CYTIP: variants seen among roughly 807,000 people sequenced by gnomAD.
CYTIP encodes cytohesin-interacting protein.
CYTIP carries 26 observed loss-of-function variants against 43.8 expected under a neutral mutation model. That is an observed-to-expected ratio of 0.59 (90% CI 0.44 to 0.82). The LOEUF is 0.82. Ranked by LOEUF, CYTIP falls within the 40% of genes least tolerant of loss-of-function variation. CYTIP has a pLI of 0.00. For synonymous variants in CYTIP, 162 were observed against 162.9 expected (o/e 0.99, Z 0.04); for missense variants, 426 against 443.1 (o/e 0.96, Z 0.35).
intron 1 of CYTIP, chr2:157,438,884 CT>C (rs2105146410): frequency 5.8e-6 from 2 of 347,158 alleles, no homozygotes. Context: ...TTTAAATACC[CT>C]TTTAGTATGC....
chr2:157,433,508 G>A (rs2105142517), intron 3 of CYTIP, among the ~76,000 whole-genome samples: 1 of 152,224 alleles, frequency 6.6e-6, no homozygotes, highest in African/African-American at 2.4e-5. Flanking sequence ...TCTGAAAGCA[G>A]CAGTAAAGCT....
chr2:157,444,046 C>A lies in CYTIP; in HGVS notation c.-26G>T. The A allele has an allele frequency of 6.2e-7, 1 of 1,609,746 alleles. No homozygotes were observed. On this transcript the variant is annotated 5_prime_UTR_variant, in exon 1 of 8. Coordinates refer to ENST00000264192, the MANE Select transcript of CYTIP (RefSeq NM_004288.5). Reference sequence around the variant, plus strand: ...TGTGAATAAAGATCACTCCAGCTAGCACATGGTTGAGTGGCCTTGCAGGAT... The same window carrying A: ...TGTGAATAAAGATCACTCCAGCTAGAACATGGTTGAGTGGCCTTGCAGGAT...
chr2:157,442,963 TA>T lies in CYTIP; in HGVS notation c.174+883del, dbSNP rs1007107344. On this transcript the variant is annotated intron_variant, in intron 1 of 7. Coordinates refer to ENST00000264192, the MANE Select transcript of CYTIP (RefSeq NM_004288.5). ...ACCTGGGGATTTAGAGCAAGTTGTT[TA>T]AAAAAAATCCTGAAGAGGTATTATG... 9.2e-5 allele frequency among the ~76,000 whole-genome samples: 14 copies of T among 152,090 alleles called. No homozygotes were observed. In the East Asian group the frequency reaches 2.5e-3, roughly 27 times the overall value.
intron 1 of CYTIP, among the ~76,000 whole-genome samples, chr2:157,436,441 C>T (rs142929576): frequency 0.011 from 1,638 of 152,088 alleles, 35 homozygotes; most frequent in African/African-American, 0.038. Context: ...GCCCTTAAGC[C>T]AAATTACGTA....
chr2:157,434,096 A>T (rs1460385112), intron 3 of CYTIP: 2 of 493,522 alleles, frequency 4.1e-6, no homozygotes, highest in African/African-American at 2.0e-5. Context: ...GCTGATACCA[A>T]CCTAGCTGAT....
intron 1 of CYTIP, among the ~76,000 whole-genome samples, chr2:157,435,719 G>C (rs1025884050): frequency 1.3e-5 from 2 of 152,092 alleles, no homozygotes; most frequent in African/African-American, 2.4e-5. Flanking sequence ...CTAACCCATG[G>C]TTTTTAATTG....
chr2:157,427,412 GTCTC>G lies in CYTIP; in HGVS notation c.481_484del (p.Glu161LeufsTer6). ...TTTCAGAATCATTGTTCCATTAAGA[GTCTC>G]TATCCTGTTTTAAGGAAAAAAAAAA... On this transcript the variant is annotated frameshift_variant, in exon 6 of 8. Coordinates refer to ENST00000264192, the MANE Select transcript of CYTIP (RefSeq NM_004288.5). LOFTEE classifies it high-confidence loss of function. 6.2e-7 allele frequency: 1 copy of G among 1,603,730 alleles called. No homozygotes were observed. The highest frequency in any genetic ancestry group is 8.5e-7 in the Non-Finnish European group (1 of 1,176,604).
intron 6 of CYTIP, among the ~76,000 whole-genome samples, chr2:157,427,113 G>A (rs1685624206): frequency 6.6e-6 from 1 of 152,190 alleles, no homozygotes; most frequent in Admixed American, 6.5e-5. Context: ...ATGCCTTCCT[G>A]TTGCCTTTCT....
At chr2:157,431,582 TTAGGCACAAG>T (rs1184831248) in intron 3 of CYTIP, among the ~76,000 whole-genome samples, 16 of 152,310 alleles carry the variant, frequency 1.1e-4, no homozygotes, top group African/African-American at 3.6e-4. Context: ...CTTGCCTCAA[TTAGGCACAAG>T]TAGTTTGGTG....
Position 157,430,931 on chromosome 2 carries a change from G to C in CYTIP, c.311C>G (p.Ser104Cys). 1 of 1,613,808 alleles carries C rather than the reference G, an allele frequency of 6.2e-7. No individual in the cohort carries two copies. The highest frequency in any genetic ancestry group is 8.5e-7 in the Non-Finnish European group (1 of 1,179,904). The change falls in exon 4 of 8, where the codon TCC becomes TGC. Residue 104 changes from serine (S) to cysteine (C), a missense_variant. Physicochemically the swap from Ser to Cys is moderately radical, Grantham distance 112. Transcript: ENST00000264192. ...GCATATCAAAGTGAACATTTCCGAGGAGCAGGCATTCTGATTCTGGGGCCT... is the reference window on the plus strand; with the variant it reads ...GCATATCAAAGTGAACATTTCCGAGCAGCAGGCATTCTGATTCTGGGGCCT... ...SYRPQNQNACSSEMFTLICKI... is the reference protein window; with the variant it reads ...SYRPQNQNACCSEMFTLICKI...
At position 157,418,595 on chromosome 2, in the gene CYTIP, A is replaced by G; in HGVS notation, c.547-6T>C. Reference sequence around the variant, plus strand: ...CATTTTTGTTTCAAAGTTTGCTGTGAGATTAAAAAAAAAAAAAAAAAGTTT... The same window carrying G: ...CATTTTTGTTTCAAAGTTTGCTGTGGGATTAAAAAAAAAAAAAAAAAGTTT... On this transcript the variant is annotated splice_polypyrimidine_tract_variant and splice_region_variant and intron_variant, in intron 6 of 7. Coordinates refer to ENST00000264192, the MANE Select transcript of CYTIP (RefSeq NM_004288.5). The G allele has an allele frequency of 2.1e-6, 3 of 1,426,768 alleles. No homozygotes were observed. The highest frequency in any genetic ancestry group is 3.6e-5 in the African/African-American group (2 of 55,688). The allele number at this position is 1,426,768 out of a possible 1,614,324, so 88.4% of individuals were successfully genotyped here.
intron 6 of CYTIP, among the ~76,000 whole-genome samples, chr2:157,423,316 C>T (rs1398992186): frequency 6.6e-6 from 1 of 151,406 alleles, no homozygotes; most frequent in Non-Finnish European, 1.5e-5. Context: ...AAAAAAGAAG[C>T]ATAAAAAGTG....
chr2:157,437,606 G>A (rs1265816031), intron 1 of CYTIP, among the ~76,000 whole-genome samples: 1 of 151,314 alleles, frequency 6.6e-6, no homozygotes, highest in African/African-American at 2.4e-5. Context: ...AAGCTGAGTT[G>A]GAAGAATCGC....
chr2:157,440,020 T>A (rs767856147), intron 1 of CYTIP, among the ~76,000 whole-genome samples: 1 of 152,210 alleles, frequency 6.6e-6, no homozygotes, highest in Non-Finnish European at 1.5e-5. Flanking sequence ...TAGCCACTTC[T>A]GGGTTACAGA....
chr2:157,429,364 TC>T (rs1291948916), intron 5 of CYTIP, among the ~76,000 whole-genome samples: 2 of 152,272 alleles, frequency 1.3e-5, no homozygotes, highest in Admixed American at 1.3e-4. Context: ...AAATATCGCC[TC>T]CCTAGAAAAG....
At chr2:157,430,383 G>A (rs1685693278) in intron 5 of CYTIP, among the ~76,000 whole-genome samples, 176 bp downstream of exon 5, 1 of 152,274 alleles carries the variant, frequency 6.6e-6, no homozygotes, top group South Asian at 2.1e-4. Flanking sequence ...ATGTTCAAGT[G>A]TGAGGAATCT....
chr2:157,442,855 G>A (rs561865663), intron 1 of CYTIP, among the ~76,000 whole-genome samples: 24 of 152,200 alleles, frequency 1.6e-4, no homozygotes, highest in Non-Finnish European at 3.4e-4. Context: ...GATTGTACAT[G>A]CAAGACTTAA....
chr2:157,436,083 T>C (rs1286687514), intron 1 of CYTIP, among the ~76,000 whole-genome samples: 1 of 152,220 alleles, frequency 6.6e-6, no homozygotes, highest in African/African-American at 2.4e-5. Flanking sequence ...AAATTAATTA[T>C]ATTTTCCTCT....
At chr2:157,422,684 A>AG (rs1558937719) in intron 6 of CYTIP, among the ~76,000 whole-genome samples, 75 of 151,790 alleles carry the variant, frequency 4.9e-4, no homozygotes, top group African/African-American at 1.6e-3. Flanking sequence ...AAAAAAAAAA[A>AG]AAAGAAAAGT....
Sources: gnomAD v4.1 joint callset for allele counts (sites outside exome capture counted in the v4.1 genomes callset) on GRCh38, gnomAD v4.1.1 for gene constraint, MANE v1.5 for transcripts, NCBI Gene and HGNC (gene_info 2026-07-23, HGNC 2026-07-21) for gene names.